MCTP1: variants seen among roughly 807,000 people sequenced by gnomAD.
MCTP1 encodes multiple C2 and transmembrane domain containing 1.
A neutral mutation model predicts 120.6 loss-of-function variants in MCTP1; 69 were observed. The observed-to-expected ratio is 0.57, with a 90% CI of 0.47 to 0.70. The LOEUF is 0.70. MCTP1 is among the 30% of genes least tolerant of loss of function. MCTP1 has a pLI of 0.00. For missense variants in MCTP1, 1,203 were observed against 1,248.8 expected (o/e 0.96, Z 0.55); for synonymous variants, 529 against 493.1 (o/e 1.07, Z -0.96).
In MCTP1 at chr5:94,910,794, A is replaced by G. The variant is rs1048522836; in HGVS notation, c.1522-1413T>C. On this transcript the variant is annotated intron_variant, in intron 9 of 22. Transcript: ENST00000515393. ...ATTTTTGGAATCAGTAGCTACTTTA[A>G]TATATGTTATATATTATAGCTACTT... Among the ~76,000 whole-genome samples, 6 of 152,296 alleles carry G rather than the reference A, an allele frequency of 3.9e-5. No homozygotes were observed. The East Asian group carries it at 7.7e-4, about 20-fold the overall frequency.
intron 12 of MCTP1, among the ~76,000 whole-genome samples, chr5:94,880,030 G>A (rs1207608953): frequency 6.6e-6 from 1 of 152,074 alleles, no homozygotes; most frequent in African/African-American, 2.4e-5. Flanking sequence ...AAAGGAGACA[G>A]ATGAGAAACT....
intron 1 of MCTP1, among the ~76,000 whole-genome samples, chr5:95,116,547 GT>G (rs761541487): frequency 0.048 from 6,981 of 144,832 alleles, 244 homozygotes; most frequent in African/African-American, 0.1. Context: ...AATTTTTAAA[GT>G]TTTTTTTTTT....
intron 19 of MCTP1, among the ~76,000 whole-genome samples, chr5:94,744,110 A>G (rs1244505084): frequency 2.0e-5 from 3 of 151,990 alleles, no homozygotes; most frequent in Non-Finnish European, 4.4e-5. Context: ...AGCTGGAACT[A>G]CAGATGCACG....
chr5:94,707,624 A>T lies in MCTP1; in HGVS notation c.2929-57T>A, dbSNP rs1410565832. The T allele has an allele frequency of 3.1e-6, 4 of 1,304,688 alleles. No individual in the cohort carries two copies. In the East Asian group the frequency reaches 6.9e-5, roughly 23 times the overall value. 80.8% of individuals were successfully genotyped at this position (1,304,688 alleles called of 1,614,324 possible). ...CAGGTGGCCACTTTCTGGCAAAGAA[A>T]GGAACAGCAAAGGAATGAGAGACGG... On this transcript the variant is annotated intron_variant, in intron 22 of 22. Transcript: ENST00000515393.
At position 95,110,471 on chromosome 5, in the gene MCTP1, G is replaced by A. The variant is rs192602138; in HGVS notation, c.721-92987C>T. ...CTAGTAAGCAGCACAGTTCCAATAT[G>A]GAAGGAACTTGGGTTCCCAGAAAGC... On this transcript the variant is annotated intron_variant, in intron 1 of 22. Transcript: ENST00000515393. Among the ~76,000 whole-genome samples the A allele has an allele frequency of 5.3e-5, 8 of 152,072 alleles. No homozygotes were observed. In the East Asian group the frequency reaches 1.2e-3, roughly 22 times the overall value.
chr5:94,753,759 G>C (rs1036425308), intron 19 of MCTP1, among the ~76,000 whole-genome samples: 1 of 152,206 alleles, frequency 6.6e-6, no homozygotes, highest in Admixed American at 6.5e-5. Flanking sequence ...CAATGAACAT[G>C]CATATGCAGA....
At chr5:95,123,430 G>T (rs537880) in intron 1 of MCTP1, among the ~76,000 whole-genome samples, 76,885 of 151,970 alleles carry the variant, frequency 0.51, 21,743 homozygotes, top group Non-Finnish European at 0.64. Flanking sequence ...TGTCGCTGAG[G>T]ATCCATAATG....
chr5:95,237,336 A>C (rs575932757), intron 1 of MCTP1, among the ~76,000 whole-genome samples: 2 of 152,354 alleles, frequency 1.3e-5, no homozygotes, highest in African/African-American at 2.4e-5. Flanking sequence ...AGGTTGGTGC[A>C]AAAGTAACCA....
intron 19 of MCTP1, among the ~76,000 whole-genome samples, chr5:94,749,573 T>G (rs1205079449): frequency 1.4e-5 from 2 of 142,504 alleles, no homozygotes; most frequent in Non-Finnish European, 3.0e-5. Flanking sequence ...GAGAATCACT[T>G]GAACCTGGGA....
chr5:95,015,521 C>T lies in MCTP1; in HGVS notation c.838+1846G>A, dbSNP rs557315319. 1.2e-4 allele frequency among the ~76,000 whole-genome samples: 19 copies of T among 152,122 alleles called. No individual in the cohort carries two copies. The East Asian group carries it at 2.7e-3, about 22-fold the overall frequency. ...TATTTACCTACATTCTGTATGTTAC[C>T]GATTTCATTAGTTTCTAGCTTTTGA... On this transcript the variant is annotated intron_variant, in intron 2 of 22. Transcript: ENST00000515393.
intron 19 of MCTP1, among the ~76,000 whole-genome samples, chr5:94,753,923 T>C (rs1009288864): frequency 2.0e-4 from 31 of 152,196 alleles, no homozygotes; most frequent in African/African-American, 7.2e-4. Context: ...GAGGAAACAT[T>C]GAAATAATTA....
At chr5:94,721,849 T>G (rs1390017205) in intron 19 of MCTP1, among the ~76,000 whole-genome samples, 8 of 150,096 alleles carry the variant, frequency 5.3e-5, no homozygotes, top group Non-Finnish European at 7.4e-5. Flanking sequence ...GTTTTGTTTT[T>G]TTTTTTTTAA....
chr5:95,174,304 G>A (rs532440082), intron 1 of MCTP1, among the ~76,000 whole-genome samples: 20 of 151,956 alleles, frequency 1.3e-4, no homozygotes, highest in South Asian at 1.0e-3. Context: ...TTCAAAACCC[G>A]TATTAATTAT....
At chr5:95,108,260 C>T (rs181832263) in intron 1 of MCTP1, among the ~76,000 whole-genome samples, 1 of 152,298 alleles carries the variant, frequency 6.6e-6, no homozygotes, top group Admixed American at 6.5e-5. Flanking sequence ...TTCAAGTGCT[C>T]TTCATTCCAG....
At chr5:94,877,798 C>T (rs1010147867) in intron 12 of MCTP1, 4 of 152,134 alleles carry the variant, frequency 2.6e-5, no homozygotes, top group African/African-American at 9.7e-5. Context: ...ATTAAAGTGA[C>T]TCAAAAGATA....
intron 1 of MCTP1, among the ~76,000 whole-genome samples, chr5:95,239,234 G>A (rs1755899615): frequency 1.3e-5 from 2 of 152,136 alleles, no homozygotes; most frequent in Non-Finnish European, 2.9e-5. Flanking sequence ...AAACAGAATA[G>A]GCAGTCTTAA....
In MCTP1 at chr5:95,238,009, A is replaced by T. The variant is rs112420532; in HGVS notation, c.720+45847T>A. Among the ~76,000 whole-genome samples the T allele has an allele frequency of 7.2e-3, 1,097 of 152,314 alleles. 9 individuals are homozygous for T. The highest frequency in any genetic ancestry group is 0.025 in the African/African-American group (1,041 of 41,570). On this transcript the variant is annotated intron_variant, in intron 1 of 22. Transcript: ENST00000515393. ...ATATTCACATTGATATGACCAGTAC[A>T]TTCTCTGCAGTAGCAAATCTATGAA...
At chr5:95,236,321 G>C (rs1755541048) in intron 1 of MCTP1, among the ~76,000 whole-genome samples, 1 of 152,188 alleles carries the variant, frequency 6.6e-6, no homozygotes, top group Non-Finnish European at 1.5e-5. Flanking sequence ...TTAGAAGATA[G>C]GGAATATATA....
intron 2 of MCTP1, among the ~76,000 whole-genome samples, chr5:94,984,753 T>C (rs1012075468): frequency 1.3e-5 from 2 of 152,164 alleles, no homozygotes; most frequent in African/African-American, 2.4e-5. Context: ...TGTCATGATA[T>C]GCAAAACTTC....
Sources: gnomAD v4.1 joint callset for allele counts (sites outside exome capture counted in the v4.1 genomes callset) on GRCh38, gnomAD v4.1.1 for gene constraint, MANE v1.5 for transcripts, NCBI Gene and HGNC (gene_info 2026-07-23, HGNC 2026-07-21) for gene names.